Variants in ST6GALNAC5 observed in about 807,000 individuals in gnomAD.
ST6GALNAC5 encodes ST6 N-acetylgalactosaminide alpha-2,6-sialyltransferase 5, also known as alpha-N-acetylgalactosaminide alpha-2,6-sialyltransferase 5.
A neutral mutation model predicts 33.6 loss-of-function variants in ST6GALNAC5; 27 were observed. The ratio of observed to expected loss-of-function variants is 0.80; its 90% CI spans 0.59 to 1.11. The LOEUF (loss-of-function observed/expected upper bound fraction) is 1.11. ST6GALNAC5 is among the 50% of genes least tolerant of loss of function. ST6GALNAC5 has a pLI of 0.00. For synonymous variants in ST6GALNAC5, 194 were observed against 171.2 expected (o/e 1.13, Z -1.04); for missense variants, 428 against 454.0 (o/e 0.94, Z 0.52).
chr1:77,054,144 T>TC (rs1437825716), intron 4 of ST6GALNAC5, among the ~76,000 whole-genome samples: 1 of 152,226 alleles, frequency 6.6e-6, no homozygotes, highest in African/African-American at 2.4e-5. Context: ...CTGCCTTCAG[T>TC]TGCCTGAGAC....
At chr1:76,874,683 A>G (rs572546868) in intron 2 of ST6GALNAC5, among the ~76,000 whole-genome samples, 43 of 152,326 alleles carry the variant, frequency 2.8e-4, no homozygotes, top group Non-Finnish European at 6.0e-4. Flanking sequence ...GATTGTGCTC[A>G]TGAGATTAAG....
At chr1:76,875,648 C>G (rs1043216259) in intron 2 of ST6GALNAC5, among the ~76,000 whole-genome samples, 5 of 152,146 alleles carry the variant, frequency 3.3e-5, no homozygotes, top group African/African-American at 1.2e-4. Context: ...GTTGCAGGAA[C>G]AGGAAGCAAA....
At chr1:76,877,677 G>T (rs1228635542) in intron 2 of ST6GALNAC5, among the ~76,000 whole-genome samples, 1 of 152,222 alleles carries the variant, frequency 6.6e-6, no homozygotes, top group Non-Finnish European at 1.5e-5. Flanking sequence ...CAGTGTGTTT[G>T]CTACTTCTTG....
intron 2 of ST6GALNAC5, among the ~76,000 whole-genome samples, chr1:76,941,752 G>T (rs1647342701): frequency 6.6e-6 from 1 of 152,068 alleles, no homozygotes; most frequent in African/African-American, 2.4e-5. Context: ...GCCTTCGGAA[G>T]GAGCCTTTGG....
chr1:76,941,192 A>C (rs1054523644), intron 2 of ST6GALNAC5, among the ~76,000 whole-genome samples: 2 of 152,054 alleles, frequency 1.3e-5, no homozygotes, highest in Non-Finnish European at 2.9e-5. Flanking sequence ...CCTCATAAAT[A>C]CTACCTTTGT....
At chr1:77,002,813 C>A (rs200482873) in intron 2 of ST6GALNAC5, among the ~76,000 whole-genome samples, 1,057 of 120,474 alleles carry the variant, frequency 8.8e-3, no homozygotes, top group South Asian at 0.014. Flanking sequence ...GAGTGAGATT[C>A]TTAATCCTGA....
At chr1:76,990,437 A>G (rs767066533) in intron 2 of ST6GALNAC5, among the ~76,000 whole-genome samples, 8 of 152,082 alleles carry the variant, frequency 5.3e-5, no homozygotes, top group Admixed American at 2.6e-4. Flanking sequence ...TTATCCCCCA[A>G]TCTGTCAGTT....
Position 77,063,170 on chromosome 1 carries a change from T to G in ST6GALNAC5, c.975T>G (p.Leu325=). Residue 325 remains leucine (L), a synonymous_variant, in exon 5 of 5, where the codon CTT becomes CTG. Coordinates refer to ENST00000477717, the MANE Select transcript of ST6GALNAC5 (RefSeq NM_030965.3). ...FFQPDWKPES[L]AINHPENKPV... is the part of the protein sequence containing the mutation. ...AACCAGACTGGAAACCAGAATCACT[T>G]GCTATAAATCATCCTGAGAATAAAC... 6.2e-7 allele frequency: 1 copy of G among 1,613,672 alleles called. No individual in the cohort carries two copies. The highest frequency in any genetic ancestry group is 8.5e-7 in the Non-Finnish European group (1 of 1,179,778).
At chr1:76,870,158 A>G (rs1170339774) in intron 2 of ST6GALNAC5, among the ~76,000 whole-genome samples, 1 of 152,230 alleles carries the variant, frequency 6.6e-6, no homozygotes, top group East Asian at 1.9e-4. Flanking sequence ...TTACAATTAC[A>G]GCTTTTGTTT....
At chr1:76,898,842 C>T (rs758154768) in intron 2 of ST6GALNAC5, among the ~76,000 whole-genome samples, 1 of 152,014 alleles carries the variant, frequency 6.6e-6, no homozygotes, top group Non-Finnish European at 1.5e-5. Context: ...TCGGACCTAG[C>T]TCGGCCTGGC....
At position 77,067,064 on chromosome 1, in the gene ST6GALNAC5, G is replaced by C. The variant is rs1403004883; in HGVS notation, c.*3858G>C. 6.6e-6 allele frequency among the ~76,000 whole-genome samples: 1 copy of C among 152,186 alleles called. No individual in the cohort carries two copies. On this transcript the variant is annotated 3_prime_UTR_variant, in exon 5 of 5. Transcript: ENST00000477717. ...GAAGAAGAGGGGTCCCCAAGACACA[G>C]ACTTCAGTGCTAAAACCAGGGAAGT...
intron 2 of ST6GALNAC5, among the ~76,000 whole-genome samples, chr1:77,037,584 T>C (rs1651692863): frequency 6.6e-6 from 1 of 151,904 alleles, no homozygotes; most frequent in Non-Finnish European, 1.5e-5. Flanking sequence ...TAAAAATAAA[T>C]ATAAAATAAA....
At position 77,067,236 on chromosome 1, in the gene ST6GALNAC5, G is replaced by A. The variant is rs573632580; in HGVS notation, c.*4030G>A. Among the ~76,000 whole-genome samples, 1 of 152,296 alleles carries A rather than the reference G, an allele frequency of 6.6e-6. No individual in the cohort carries two copies. Among genetic ancestry groups the A allele is most frequent in the African/African-American group, 2.4e-5 (1 of 41,556 alleles). ...TACTTTGGAATGGAAAGAGGTGAGA[G>A]TGTCTCAAGGTTTAAAAATGAGCAA... On this transcript the variant is annotated 3_prime_UTR_variant, in exon 5 of 5. Transcript: ENST00000477717.
At chr1:76,875,431 A>C (rs1373322811) in intron 2 of ST6GALNAC5, among the ~76,000 whole-genome samples, 1 of 152,170 alleles carries the variant, frequency 6.6e-6, no homozygotes, top group Non-Finnish European at 1.5e-5. Flanking sequence ...GTTGTGGAGT[A>C]GTGGACTGAT....
intron 2 of ST6GALNAC5, among the ~76,000 whole-genome samples, chr1:77,016,139 CCT>C (rs1237786828): frequency 8.3e-6 from 1 of 120,176 alleles, no homozygotes; most frequent in East Asian, 2.5e-4. Context: ...GTATCTCCTC[CCT>C]CCCCTCCTGT....
intron 2 of ST6GALNAC5, among the ~76,000 whole-genome samples, chr1:77,006,383 G>A (rs144672941): frequency 1.7e-4 from 24 of 137,980 alleles, no homozygotes; most frequent in Non-Finnish European, 2.1e-4. Context: ...GTGTGATCTC[G>A]GCTCACTGCA....
chr1:77,024,663 A>G (rs1440240652), intron 2 of ST6GALNAC5, among the ~76,000 whole-genome samples: 1 of 152,268 alleles, frequency 6.6e-6, no homozygotes, highest in East Asian at 1.9e-4. Context: ...TTCGCAAGGG[A>G]CTTTGATATG....
At chr1:76,912,066 C>T (rs1646919403) in intron 2 of ST6GALNAC5, among the ~76,000 whole-genome samples, 1 of 152,008 alleles carries the variant, frequency 6.6e-6, no homozygotes, top group Non-Finnish European at 1.5e-5. Flanking sequence ...GCAGTTAGTG[C>T]TATAAATTTC....
intron 2 of ST6GALNAC5, among the ~76,000 whole-genome samples, chr1:76,979,725 G>A (rs953904826): frequency 6.6e-6 from 1 of 152,102 alleles, no homozygotes; most frequent in South Asian, 2.1e-4. Context: ...TCAAGAATTC[G>A]AGACCAGCCT....
Sources: gnomAD v4.1 joint callset for allele counts (sites outside exome capture counted in the v4.1 genomes callset) on GRCh38, gnomAD v4.1.1 for gene constraint, MANE v1.5 for transcripts, NCBI Gene and HGNC (gene_info 2026-07-23, HGNC 2026-07-21) for gene names.